Variants in RBFOX1 observed in about 807,000 individuals in gnomAD.
RBFOX1 encodes the protein RNA binding protein fox-1 homolog 1.
A neutral mutation model predicts 57.7 loss-of-function variants in RBFOX1; 8 were observed. That is an observed-to-expected ratio of 0.14 (90% CI 0.08 to 0.25). The LOEUF (loss-of-function observed/expected upper bound fraction) is 0.25, where lower values mean the gene tolerates loss of function less well. Among genes scored for constraint, RBFOX1 ranks in the 10% least tolerant of loss-of-function variants. The pLI is 1.00. For missense variants in RBFOX1, 611 were observed against 548.5 expected, an observed-to-expected ratio of 1.11 and a Z score of -1.14; for synonymous variants, 326 against 222.4, an observed-to-expected ratio of 1.47 and a Z score of -4.15.
intron 2 of RBFOX1, among the ~76,000 whole-genome samples, chr16:6,395,901 G>T (rs1204028720): frequency 5.9e-5 from 9 of 151,446 alleles, no homozygotes. Flanking sequence ...CCCCGTCTCT[G>T]CTAAAATACA....
At chr16:6,756,523 G>C (rs1301633095) in intron 3 of RBFOX1, among the ~76,000 whole-genome samples, 1 of 152,090 alleles carries the variant, frequency 6.6e-6, no homozygotes, top group Admixed American at 6.6e-5. Context: ...ATGCAGCAAA[G>C]AGAGGATCTG....
chr16:6,650,148 G>A (rs1041122834), intron 2 of RBFOX1, among the ~76,000 whole-genome samples: 11 of 152,136 alleles, frequency 7.2e-5, no homozygotes, highest in Non-Finnish European at 1.5e-5. Flanking sequence ...CCTCCACACC[G>A]TTTTTTGTAA....
At chr16:7,432,084 T>C (rs1358713511) in intron 4 of RBFOX1, among the ~76,000 whole-genome samples, 1 of 152,212 alleles carries the variant, frequency 6.6e-6, no homozygotes, top group Non-Finnish European at 1.5e-5. Flanking sequence ...TGGGGGCAGA[T>C]GGGTCTTCAG....
chr16:5,723,942 A>G (rs1428781670), intron 3 of RBFOX1, among the ~76,000 whole-genome samples: 1 of 152,228 alleles, frequency 6.6e-6, no homozygotes, highest in Non-Finnish European at 1.5e-5. Flanking sequence ...TTCCATTTAA[A>G]AAACAGACTC....
At chr16:7,077,867 A>G (rs909981176) in intron 4 of RBFOX1, among the ~76,000 whole-genome samples, 1 of 152,164 alleles carries the variant, frequency 6.6e-6, no homozygotes, top group African/African-American at 2.4e-5. Flanking sequence ...TCCATTAGCT[A>G]CTTTGTATCC....
chr16:7,545,261 A>C (rs2084109374), intron 5 of RBFOX1, among the ~76,000 whole-genome samples: 1 of 152,074 alleles, frequency 6.6e-6, no homozygotes, highest in Non-Finnish European at 1.5e-5. Context: ...TTCCTGAAAC[A>C]GCAGTTTTCC....
intron 1 of RBFOX1, among the ~76,000 whole-genome samples, chr16:6,305,623 A>G (rs1200676986): frequency 6.7e-6 from 1 of 150,112 alleles, no homozygotes; most frequent in East Asian, 2.0e-4. Flanking sequence ...ACAGCTTTTT[A>G]AACACATACT....
At chr16:6,812,994 T>G (rs970159942) in intron 3 of RBFOX1, among the ~76,000 whole-genome samples, 19 of 152,152 alleles carry the variant, frequency 1.2e-4, no homozygotes, top group African/African-American at 4.3e-4. Context: ...CTCTCTTTTT[T>G]GTTAGATTTT....
chr16:6,006,484 G>C (rs919611926), intron 4 of RBFOX1, among the ~76,000 whole-genome samples: 2 of 152,198 alleles, frequency 1.3e-5, no homozygotes, highest in African/African-American at 4.8e-5. Context: ...AGTAACCAGA[G>C]AACCTGCCAA....
chr16:7,323,129 A>C (rs907274454), intron 4 of RBFOX1, among the ~76,000 whole-genome samples: 2 of 152,174 alleles, frequency 1.3e-5, no homozygotes, highest in African/African-American at 4.8e-5. Context: ...ATTGAGTTAA[A>C]ATGTCCAAGC....
At chr16:6,016,457 G>T (rs1401566085), upstream of RBFOX1, among the ~76,000 whole-genome samples, 3 of 152,198 alleles carry the variant, frequency 2.0e-5, no homozygotes, top group African/African-American at 7.2e-5. Flanking sequence ...AAAAGAGCCA[G>T]GAGCTGGTAA....
At chr16:7,536,644 G>A (rs1453082952) in intron 5 of RBFOX1, among the ~76,000 whole-genome samples, 4 of 152,156 alleles carry the variant, frequency 2.6e-5, no homozygotes, top group Admixed American at 2.0e-4. Context: ...AGAGAAAGGT[G>A]GGTGGATGTC....
intron 4 of RBFOX1, among the ~76,000 whole-genome samples, chr16:7,082,768 TC>T (rs141975359): frequency 0.013 from 1,982 of 152,264 alleles, 51 homozygotes; most frequent in African/African-American, 0.045. Context: ...CTGTAGCAGA[TC>T]AGAAGCCACT....
At chr16:5,630,457 G>A (rs1229592838) in intron 3 of RBFOX1, among the ~76,000 whole-genome samples, 4 of 151,080 alleles carry the variant, frequency 2.6e-5, no homozygotes, top group African/African-American at 4.9e-5. Context: ...ACTCTGTCTC[G>A]AAAAAAAAGA....
intron 3 of RBFOX1, among the ~76,000 whole-genome samples, chr16:7,029,420 C>G (rs1324963599): frequency 6.6e-6 from 1 of 151,466 alleles, no homozygotes; most frequent in East Asian, 2.0e-4. Context: ...TCTTCTTTTG[C>G]TCTTGTCTTC....
At chr16:7,048,909 C>T (rs2048980616) in intron 3 of RBFOX1, among the ~76,000 whole-genome samples, 1 of 152,118 alleles carries the variant, frequency 6.6e-6, no homozygotes, top group Admixed American at 6.6e-5. Context: ...AGGCTGAAAG[C>T]TCTTGCTTTT....
chr16:5,420,909 C>A (rs1185315573), intron 1 of RBFOX1, among the ~76,000 whole-genome samples: 1 of 125,380 alleles, frequency 8.0e-6, no homozygotes, highest in African/African-American at 2.9e-5. Context: ...CCTCCTCTGC[C>A]TCCCTCCACC....
chr16:6,058,310 C>T (rs951578071), intron 1 of RBFOX1, among the ~76,000 whole-genome samples: 4 of 144,096 alleles, frequency 2.8e-5, no homozygotes, highest in Non-Finnish European at 6.1e-5. Context: ...CCCTCCTCTT[C>T]TTCCTCCCTC....
rs2084227914 is a variant in RBFOX1, at chr16:7,713,037, A to AG, written c.*2292_*2293insG. ...GAATCTTTTGTCTAGGCACTCCAAG[A>AG]TGCCAATAAGTCATTTTAAAATGTA... On this transcript the variant is annotated 3_prime_UTR_variant, in exon 16 of 16. Transcript: ENST00000550418. The AG allele has an allele frequency of 6.6e-6, 1 of 152,234 alleles. No individual in the cohort carries two copies. The highest frequency in any genetic ancestry group is 1.5e-5 in the Non-Finnish European group (1 of 68,036). 9.4% of individuals were successfully genotyped at this position (152,234 alleles called of 1,614,324 possible). A position where few individuals can be genotyped will look rare whatever the true frequency, so the allele number is the denominator to read the frequency against.
Sources: allele counts gnomAD v4.1 joint callset (sites outside exome capture counted in the v4.1 genomes callset), GRCh38; gene constraint gnomAD v4.1.1; transcripts MANE v1.5; gene names NCBI Gene and HGNC (gene_info 2026-07-23, HGNC 2026-07-21).